Variants in IQCH observed in about 807,000 individuals in gnomAD.
IQCH encodes the protein IQ motif containing H.
A neutral mutation model predicts 117.0 loss-of-function variants in IQCH; 98 were observed. The ratio of observed to expected loss-of-function variants is 0.84; its 90% CI spans 0.71 to 0.99. IQCH has a LOEUF of 0.99. Among genes scored for constraint, IQCH ranks in the 50% least tolerant of loss-of-function variants. The probability of loss-of-function intolerance (pLI) is 0.00; values close to 1 mark genes in which losing one functional copy is unlikely to be tolerated. For synonymous variants in IQCH, 412 were observed against 448.2 expected (o/e 0.92, Z 1.02); for missense variants, 1,102 against 1,243.8 (o/e 0.89, Z 1.72).
At chr15:67,361,242 A>G (rs901759490) in intron 8 of IQCH, among the ~76,000 whole-genome samples, 1 of 152,230 alleles carries the variant, frequency 6.6e-6, no homozygotes, top group African/African-American at 2.4e-5. Flanking sequence ...TGCTCCTGTT[A>G]CTACTGCTGC....
chr15:67,257,567 C>G (rs1358336631), intron 1 of IQCH, among the ~76,000 whole-genome samples: 1 of 152,160 alleles, frequency 6.6e-6, no homozygotes, highest in Non-Finnish European at 1.5e-5. Flanking sequence ...TGTATTGATC[C>G]TTAAATAGGC....
chr15:67,442,409 T>TA (rs879269420), intron 16 of IQCH, among the ~76,000 whole-genome samples: 49 of 139,330 alleles, frequency 3.5e-4, no homozygotes, highest in Admixed American at 4.3e-4. Flanking sequence ...AAACTCCATC[T>TA]AAAAAAAAAA....
chr15:67,279,595 T>C, intron 4 of IQCH, 83 bp downstream of exon 4: 1 of 705,376 alleles, frequency 1.4e-6, no homozygotes, highest in Non-Finnish European at 2.4e-6. Flanking sequence ...GGAGTGACTT[T>C]TAATGGGTAT....
intron 3 of IQCH, among the ~76,000 whole-genome samples, chr15:67,267,753 TCAACATTGTTTAGATATGG>T (rs1433352390): frequency 6.6e-6 from 1 of 152,210 alleles, no homozygotes; most frequent in Non-Finnish European, 1.5e-5. Context: ...TAACTGAGAA[TCAACATTGTTTAGATATGG>T]GGCTTCACTT....
rs1026275725 is a variant in IQCH at position 67,344,003 on chromosome 15, G to A, written c.509-60G>A. On this transcript the variant is annotated intron_variant, in intron 5 of 20. Transcript: ENST00000335894. ...AAGTTACACTTGTGAAATTTATAGA[G>A]CTCAGACTTTGTGGAATTGCTTGGA... The A allele has an allele frequency of 1.8e-5, 26 of 1,482,816 alleles. No homozygotes were observed. The Admixed American group carries it at 4.6e-4, about 26-fold the overall frequency. The allele number at this position is 1,482,816 out of a possible 1,614,324, so 91.9% of individuals were successfully genotyped here.
chr15:67,453,180 G>A lies in IQCH; in HGVS notation c.2506-11947G>A, dbSNP rs1596408567. Reference sequence around the variant, plus strand: ...TTGCCATTGGTTCGAATTTCCTCCTGTAGCTCAGAGTAGTTTGATCATCTG... The same window carrying A: ...TTGCCATTGGTTCGAATTTCCTCCTATAGCTCAGAGTAGTTTGATCATCTG... On this transcript the variant is annotated intron_variant, in intron 16 of 20. Coordinates refer to ENST00000335894, the MANE Select transcript of IQCH (RefSeq NM_001031715.3). The surrounding 1 kb of genome is among the most constrained non-coding windows in gnomAD (Gnocchi z 5.8). Among the ~76,000 whole-genome samples, 1 of 151,944 alleles carries A rather than the reference G, an allele frequency of 6.6e-6. No individual in the cohort carries two copies. The highest frequency in any genetic ancestry group is 6.6e-5 in the Admixed American group (1 of 15,262).
intron 4 of IQCH, among the ~76,000 whole-genome samples, chr15:67,300,947 T>G (rs558938676): frequency 1.2e-4 from 18 of 152,308 alleles, no homozygotes; most frequent in Non-Finnish European, 2.5e-4. Flanking sequence ...TGTGCAGCCA[T>G]GTAGGTAAAA....
intron 4 of IQCH, among the ~76,000 whole-genome samples, chr15:67,327,150 CAG>C (rs1968448247): frequency 6.6e-6 from 1 of 152,008 alleles, no homozygotes; most frequent in East Asian, 1.9e-4. Flanking sequence ...ATTGTATTAG[CAG>C]AGAGTATATT....
At position 67,382,822 on chromosome 15, in the gene IQCH, T is replaced by C. The variant is rs1198828005; in HGVS notation, c.1373-2114T>C. 2.6e-5 allele frequency among the ~76,000 whole-genome samples: 4 copies of C among 152,326 alleles called. No individual in the cohort carries two copies. The South Asian group carries it at 8.3e-4, about 32-fold the overall frequency. ...AGAAATCATATCATTGTAGATTATA[T>C]CCCAAAGTGCAATGTCTCATCGCCA... On this transcript the variant is annotated intron_variant, in intron 10 of 20. Coordinates refer to ENST00000335894, the MANE Select transcript of IQCH (RefSeq NM_001031715.3).
At position 67,263,190 on chromosome 15, in the gene IQCH, C is replaced by T. The variant is rs1965529989; in HGVS notation, c.243C>T (p.Ser81=). ...TAACGACTTCTGTTAATGATGAGAG[C>T]TTATATACTCCCCAGGCTTCCAAAT... ...NVLTTSVNDE[S]LYTPQASKWL... is the part of the protein sequence containing the mutation. The change falls in exon 3 of 21, where the codon AGC becomes AGT. Residue 81 remains serine, a synonymous_variant. Transcript: ENST00000335894. 2 of 1,566,628 alleles carry T rather than the reference C, an allele frequency of 1.3e-6. No homozygotes were observed. The highest frequency in any genetic ancestry group is 1.7e-4 in the Middle Eastern group (1 of 5,960).
At position 67,436,617 on chromosome 15, in the gene IQCH, G is replaced by A. The variant is rs531682094; in HGVS notation, c.2505+15040G>A. ...ATCCGGTGTGCAGACTCCATAGGCA[G>A]GGGAAGAACCAAGCCCTTTTCTTTC... is the stretch of plus-strand genomic sequence containing the variant. On this transcript the variant is annotated intron_variant, in intron 16 of 20. Transcript: ENST00000335894. This position sits in a 1 kb window ranked among gnomAD's most constrained non-coding sequence, Gnocchi z 5.1. Among the ~76,000 whole-genome samples, 2 of 152,208 alleles carry A rather than the reference G, an allele frequency of 1.3e-5. No homozygotes were observed. Among genetic ancestry groups the A allele is most frequent in the South Asian group, 2.1e-4 (1 of 4,830 alleles).
In IQCH at chr15:67,376,189, T is replaced by G. The variant is rs1169829473; in HGVS notation, c.1372+2756T>G. ...AGATAGAATTCTCAAACGATGTATATATTTTTAAGGATATAGGGTACCCTT... is the reference window on the plus strand; with the variant it reads ...AGATAGAATTCTCAAACGATGTATAGATTTTTAAGGATATAGGGTACCCTT... On this transcript the variant is annotated intron_variant, in intron 10 of 20. Transcript: ENST00000335894. The surrounding 1 kb of genome is among the most constrained non-coding windows in gnomAD (Gnocchi z 5.0). Among the ~76,000 whole-genome samples the G allele has an allele frequency of 6.6e-6, 1 of 152,224 alleles. No individual in the cohort carries two copies. The highest frequency in any genetic ancestry group is 2.4e-5 in the African/African-American group (1 of 41,458).
chr15:67,430,923 T>C lies in IQCH; in HGVS notation c.2505+9346T>C, dbSNP rs887626573. 2.0e-5 allele frequency among the ~76,000 whole-genome samples: 3 copies of C among 152,156 alleles called. No individual in the cohort carries two copies. The highest frequency in any genetic ancestry group is 7.2e-5 in the African/African-American group (3 of 41,454). Reference sequence around the variant, plus strand: ...AACAATAAAAGAGACATCAAAAAGGTAATATCAGTTTAACGGCCAAATGAT... The same window carrying C: ...AACAATAAAAGAGACATCAAAAAGGCAATATCAGTTTAACGGCCAAATGAT... On this transcript the variant is annotated intron_variant, in intron 16 of 20. Coordinates refer to ENST00000335894, the MANE Select transcript of IQCH (RefSeq NM_001031715.3). The surrounding 1 kb of genome is among the most constrained non-coding windows in gnomAD (Gnocchi z 5.1).
chr15:67,276,234 T>G (rs1204744486), intron 3 of IQCH, among the ~76,000 whole-genome samples: 1 of 152,202 alleles, frequency 6.6e-6, no homozygotes, highest in Admixed American at 6.5e-5. Flanking sequence ...AGTAAAAGGA[T>G]TTAAGAAATA....
intron 4 of IQCH, among the ~76,000 whole-genome samples, chr15:67,331,294 A>T (rs1968654915): frequency 6.6e-6 from 1 of 152,196 alleles, no homozygotes. Flanking sequence ...ATTACTTCAC[A>T]TTATACTACA....
chr15:67,290,804 C>T (rs1186815064), intron 4 of IQCH, among the ~76,000 whole-genome samples: 3 of 152,050 alleles, frequency 2.0e-5, no homozygotes, highest in African/African-American at 7.3e-5. Context: ...TTCACTGTGC[C>T]CAGCTCTGGA....
At position 67,387,295 on chromosome 15, in the gene IQCH, C is replaced by G. The variant is rs952561393; in HGVS notation, c.1457-1536C>G. On this transcript the variant is annotated intron_variant, in intron 11 of 20. Transcript: ENST00000335894. This position sits in a 1 kb window ranked among gnomAD's most constrained non-coding sequence, Gnocchi z 4.8. ...CTAGCTAGGTCACTTCAGAAAACAC[C>G]CCCTCTAGGTCTCTAGAGAGATTTC... Among the ~76,000 whole-genome samples the G allele has an allele frequency of 1.3e-5, 2 of 152,000 alleles. No homozygotes were observed. The highest frequency in any genetic ancestry group is 2.9e-5 in the Non-Finnish European group (2 of 67,992).
At chr15:67,492,559 C>T (rs1486262264) in intron 19 of IQCH, among the ~76,000 whole-genome samples, 1 of 152,166 alleles carries the variant, frequency 6.6e-6, no homozygotes, top group Non-Finnish European at 1.5e-5. Context: ...AACCTGAGAG[C>T]TAGGTCGTGG....
At chr15:67,327,510 T>G (rs940502779) in intron 4 of IQCH, among the ~76,000 whole-genome samples, 1 of 152,248 alleles carries the variant, frequency 6.6e-6, no homozygotes. Flanking sequence ...GATCTGTTTT[T>G]ATTGCCTACT....
Sources: allele counts gnomAD v4.1 joint callset (sites outside exome capture counted in the v4.1 genomes callset), GRCh38; gene constraint gnomAD v4.1.1; non-coding constraint Gnocchi (gnomAD v3.1); transcripts MANE v1.5; gene names NCBI Gene and HGNC (gene_info 2026-07-23, HGNC 2026-07-21).